Variants in PRKD1 observed in about 807,000 individuals in gnomAD.
PRKD1 encodes protein kinase D1, also known as serine/threonine-protein kinase D1.
A neutral mutation model predicts 95.9 loss-of-function variants in PRKD1; 63 were observed. The ratio of observed to expected loss-of-function variants is 0.66; its 90% CI spans 0.54 to 0.81. The LOEUF (loss-of-function observed/expected upper bound fraction) is 0.81, where lower values mean the gene tolerates loss of function less well. Among genes scored for constraint, PRKD1 ranks in the 30% least tolerant of loss-of-function variants. The pLI is 0.00. For synonymous variants in PRKD1, 425 were observed against 423.1 expected, an observed-to-expected ratio of 1.00 and a Z score of -0.05; for missense variants, 1,048 against 1,165.3, an observed-to-expected ratio of 0.90 and a Z score of 1.47.
At position 29,788,371 on chromosome 14, in the gene PRKD1, C is replaced by T. The variant is rs12879750; in HGVS notation, c.265-62697G>A. Among the ~76,000 whole-genome samples the T allele has an allele frequency of 9.9e-5, 15 of 152,034 alleles. No homozygotes were observed. In the East Asian group the frequency reaches 2.9e-3, roughly 29 times the overall value. On this transcript the variant is annotated intron_variant, in intron 1 of 17. Coordinates refer to ENST00000331968, the MANE Select transcript of PRKD1 (RefSeq NM_002742.3). ...TCTCTCTTTGTCTGTGACTTTTGAC[C>T]GATTAACTATAATGTGCCTTGGAGA... is the stretch of plus-strand genomic sequence containing the variant.
At chr14:29,781,336 G>A (rs1889035576) in intron 1 of PRKD1, among the ~76,000 whole-genome samples, 1 of 152,132 alleles carries the variant, frequency 6.6e-6, no homozygotes, top group African/African-American at 2.4e-5. Context: ...CAAGTTGGAT[G>A]TTCAACAGCT....
intron 13 of PRKD1, among the ~76,000 whole-genome samples, chr14:29,618,765 T>C (rs1426598222): frequency 9.2e-6 from 1 of 108,448 alleles, no homozygotes; most frequent in Admixed American, 1.1e-4. Context: ...CTAAGTTATA[T>C]AGAGAAAATG....
intron 1 of PRKD1, among the ~76,000 whole-genome samples, chr14:29,840,197 A>G (rs547923792): frequency 1.1e-3 from 164 of 152,190 alleles, no homozygotes; most frequent in Middle Eastern, 6.8e-3. Context: ...ATGCTTGGAA[A>G]TTTCTTCTGC....
intron 12 of PRKD1, among the ~76,000 whole-genome samples, chr14:29,625,031 T>A (rs548378192): frequency 1.1e-4 from 17 of 152,252 alleles, no homozygotes; most frequent in Non-Finnish European, 2.1e-4. Flanking sequence ...GGAAAATGGA[T>A]CTAATTACTC....
chr14:29,782,791 G>A (rs778187721), intron 1 of PRKD1, among the ~76,000 whole-genome samples: 16 of 151,922 alleles, frequency 1.1e-4, no homozygotes, highest in South Asian at 1.0e-3. Flanking sequence ...CTAATCCGCC[G>A]CCTTGGCCAC....
At chr14:29,918,896 T>A (rs543794842) in intron 1 of PRKD1, among the ~76,000 whole-genome samples, 2 of 152,334 alleles carry the variant, frequency 1.3e-5, no homozygotes, top group South Asian at 4.1e-4. Context: ...ATCAAACTAA[T>A]TATCAACAAC....
intron 13 of PRKD1, among the ~76,000 whole-genome samples, chr14:29,615,551 T>C (rs1878797401): frequency 2.0e-5 from 3 of 152,234 alleles, no homozygotes; most frequent in Non-Finnish European, 4.4e-5. Flanking sequence ...CTTCCCAGGT[T>C]TTGCCAATGC....
At chr14:29,824,129 A>C (rs1460463768) in intron 1 of PRKD1, among the ~76,000 whole-genome samples, 2 of 152,160 alleles carry the variant, frequency 1.3e-5, no homozygotes, top group Non-Finnish European at 2.9e-5. Context: ...AGGGTCCAGC[A>C]ATTCTGTATT....
At chr14:29,585,325 A>G (rs1392514442) in intron 16 of PRKD1, among the ~76,000 whole-genome samples, 1 of 152,162 alleles carries the variant, frequency 6.6e-6, no homozygotes, top group Non-Finnish European at 1.5e-5. Flanking sequence ...TCCGGAGTCA[A>G]TTACTGGAAT....
intron 1 of PRKD1, among the ~76,000 whole-genome samples, chr14:29,927,031 T>C (rs1410788265): frequency 6.6e-6 from 1 of 151,614 alleles, no homozygotes; most frequent in Non-Finnish European, 1.5e-5. Flanking sequence ...AATCGGTGAA[T>C]AGAGGAAGAT....
At chr14:29,665,775 AT>A (rs1377916751) in intron 3 of PRKD1, among the ~76,000 whole-genome samples, 1 of 152,066 alleles carries the variant, frequency 6.6e-6, no homozygotes, top group East Asian at 1.9e-4. Flanking sequence ...ACATACATAG[AT>A]CTATGTACAT....
intron 1 of PRKD1, among the ~76,000 whole-genome samples, chr14:29,822,568 T>C (rs1660978210): frequency 6.6e-6 from 1 of 152,126 alleles, no homozygotes; most frequent in African/African-American, 2.4e-5. Context: ...TGTTTATAAA[T>C]AAAATCTCAT....
At chr14:29,731,110 A>G (rs903096586) in intron 1 of PRKD1, among the ~76,000 whole-genome samples, 3 of 152,176 alleles carry the variant, frequency 2.0e-5, no homozygotes. Context: ...GATGTGGTAT[A>G]TGGTAAATAT....
chr14:29,777,968 C>G (rs1280473463), intron 1 of PRKD1, among the ~76,000 whole-genome samples: 1 of 152,136 alleles, frequency 6.6e-6, no homozygotes, highest in African/African-American at 2.4e-5. Flanking sequence ...TGCAATCAAA[C>G]TAGAACTCAG....
rs762840161 is a variant in PRKD1 at position 29,599,043 on chromosome 14, G to C, written c.2150C>G (p.Ala717Gly). 2 of 1,613,364 alleles carry C rather than the reference G, an allele frequency of 1.2e-6. No individual in the cohort carries two copies. Among genetic ancestry groups the C allele is most frequent in the Non-Finnish European group, 1.7e-6 (2 of 1,179,376 alleles). ...LKPENVLLASADPFPQVKLCD... is the reference protein window; with the variant it reads ...LKPENVLLASGDPFPQVKLCD... ...TATACTTGCCTGAGGAAAAGGATCAGCTGAGGCTAGCAACACATTTTCTGG... is the reference window on the plus strand; with the variant it reads ...TATACTTGCCTGAGGAAAAGGATCACCTGAGGCTAGCAACACATTTTCTGG... The change falls in exon 15 of 18, where the codon GCT (alanine) becomes GGT (glycine). Residue 717 changes from alanine to glycine, a missense_variant. Around this residue, in one of 3 missense-constraint regions of PRKD1, gnomAD observed 739 missense variants for 861.9 expected, o/e 0.86. Transcript: ENST00000331968.
intron 1 of PRKD1, among the ~76,000 whole-genome samples, chr14:29,909,664 G>A (rs886454025): frequency 6.6e-6 from 1 of 152,010 alleles, no homozygotes; most frequent in Non-Finnish European, 1.5e-5. Context: ...TCAGCACTCT[G>A]TGTCTAGCTC....
At chr14:29,757,848 G>A (rs560203511) in intron 1 of PRKD1, among the ~76,000 whole-genome samples, 16 of 152,038 alleles carry the variant, frequency 1.1e-4, no homozygotes, top group Admixed American at 7.2e-4. Context: ...AGAGCCAGTA[G>A]GGATAAAGGG....
intron 2 of PRKD1, among the ~76,000 whole-genome samples, chr14:29,701,033 A>C (rs1044656386): frequency 1.4e-4 from 20 of 148,054 alleles, no homozygotes; most frequent in African/African-American, 5.2e-4. Flanking sequence ...AACTCTGGGA[A>C]TCCTACTTAA....
chr14:29,610,759 A>C (rs8019731), intron 13 of PRKD1, among the ~76,000 whole-genome samples: 65,131 of 152,070 alleles, frequency 0.43, 14,446 homozygotes, highest in African/African-American at 0.53. Flanking sequence ...CAAGCAACCA[A>C]GATGTCTTTC....
Sources: gnomAD v4.1 joint callset for allele counts (sites outside exome capture counted in the v4.1 genomes callset) on GRCh38, gnomAD v4.1.1 for gene constraint, gnomAD v4.1.1 regional missense constraint, MANE v1.5 for transcripts, NCBI Gene and HGNC (gene_info 2026-07-23, HGNC 2026-07-21) for gene names.